Variants in HDAC9 observed in about 807,000 individuals in gnomAD.
HDAC9 encodes histone deacetylase 9.
A neutral mutation model predicts 139.4 loss-of-function variants in HDAC9; 41 were observed. The ratio of observed to expected loss-of-function variants is 0.29; its 90% CI spans 0.23 to 0.38. HDAC9 has a LOEUF of 0.38. Ranked by LOEUF, HDAC9 falls within the 10% of genes least tolerant of loss-of-function variation. HDAC9 has a pLI of 1.00. For missense variants in HDAC9, 1,147 were observed against 1,297.0 expected (o/e 0.88, Z 1.78); for synonymous variants, 517 against 476.2 (o/e 1.09, Z -1.12).
At chr7:18,134,625 T>A (rs1785263375) in intron 1 of HDAC9, among the ~76,000 whole-genome samples, 1 of 152,190 alleles carries the variant, frequency 6.6e-6, no homozygotes, top group African/African-American at 2.4e-5. Flanking sequence ...ACATTATTAC[T>A]CATTCTTAAG....
At chr7:18,610,572 AAT>A (rs1362465410) in intron 6 of HDAC9, among the ~76,000 whole-genome samples, 1 of 152,142 alleles carries the variant, frequency 6.6e-6, no homozygotes, top group Admixed American at 6.6e-5. Context: ...TTACCTCTCA[AAT>A]AACCTGGACT....
chr7:18,285,518 G>T (rs941010848), upstream of HDAC9, among the ~76,000 whole-genome samples: 2 of 151,886 alleles, frequency 1.3e-5, no homozygotes, highest in African/African-American at 4.8e-5. Flanking sequence ...GAGTGTGAAC[G>T]TTTTAAAAGA....
At position 18,540,916 on chromosome 7, in the gene HDAC9, T is replaced by C. The variant is rs536646670; in HGVS notation, c.23-44365T>C. ...TGATTCTCGTAAGAATTTTAGAAGA[T>C]AGATACTATTATTTCCCCTGTTTTA... On this transcript the variant is annotated intron_variant, in intron 2 of 25. Transcript: ENST00000686413. Among the ~76,000 whole-genome samples the C allele has an allele frequency of 1.1e-4, 17 of 152,204 alleles. 1 individual carries two copies. The South Asian group carries it at 3.3e-3, about 30-fold the overall frequency.
chr7:18,835,690 A>G, intron 20 of HDAC9, 104 bp downstream of exon 20: 7 of 1,440,130 alleles, frequency 4.9e-6, no homozygotes, highest in Non-Finnish European at 5.9e-6. Flanking sequence ...GTTTTAAATT[A>G]CACGAGATTA....
chr7:18,298,555 ATAGTT>A (rs1426865770), intron 1 of HDAC9, among the ~76,000 whole-genome samples: 2 of 151,930 alleles, frequency 1.3e-5, no homozygotes, highest in Non-Finnish European at 2.9e-5. Context: ...TGTTCTTATG[ATAGTT>A]TACTGAGAAT....
chr7:18,764,727 C>G (rs1345658726), intron 15 of HDAC9, among the ~76,000 whole-genome samples: 2 of 151,974 alleles, frequency 1.3e-5, no homozygotes, highest in Non-Finnish European at 2.9e-5. Context: ...CTCTTTTTAT[C>G]CATTCCTTTC....
At chr7:18,870,282 C>T (rs561784691) in intron 21 of HDAC9, among the ~76,000 whole-genome samples, 1 of 152,280 alleles carries the variant, frequency 6.6e-6, no homozygotes, top group East Asian at 1.9e-4. Context: ...CATCATGCCT[C>T]CTCAATCTCC....
At position 18,975,970 on chromosome 7, in the gene HDAC9, C is replaced by T. The variant is rs150985559; in HGVS notation, c.3170+17C>T. 267 of 1,610,514 alleles carry T rather than the reference C, an allele frequency of 1.7e-4. No homozygotes were observed. The African/African-American group carries it at 2.2e-3, about 14-fold the overall frequency. On this transcript the variant is annotated intron_variant, in intron 25 of 25. Coordinates refer to ENST00000686413, the MANE Select transcript of HDAC9 (RefSeq NM_178425.4). Reference sequence around the variant, plus strand: ...AGACAGCAGGTATGAATCCAACGTGCGGGAATAATCCGGGTCAGTCATATC... The same window carrying T: ...AGACAGCAGGTATGAATCCAACGTGTGGGAATAATCCGGGTCAGTCATATC...
intron 19 of HDAC9, among the ~76,000 whole-genome samples, chr7:18,830,390 A>C (rs1009997279): frequency 6.6e-6 from 1 of 152,234 alleles, no homozygotes; most frequent in Non-Finnish European, 1.5e-5. Context: ...AACCTGGTAC[A>C]TCTGCACTTA....
intron 23 of HDAC9, among the ~76,000 whole-genome samples, chr7:18,946,462 GA>G (rs1019080023): frequency 1.3e-5 from 2 of 151,488 alleles, no homozygotes; most frequent in Non-Finnish European, 2.9e-5. Flanking sequence ...TGAAGGAAAT[GA>G]AAAAAAATTT....
intron 1 of HDAC9, among the ~76,000 whole-genome samples, chr7:18,129,171 T>G (rs1286108155): frequency 6.6e-6 from 1 of 152,168 alleles, no homozygotes; most frequent in Non-Finnish European, 1.5e-5. Flanking sequence ...TGAATAGATT[T>G]CATTATATCT....
chr7:18,435,945 TTA>T (rs145366181), intron 1 of HDAC9, among the ~76,000 whole-genome samples: 1 of 148,136 alleles, frequency 6.8e-6, no homozygotes, highest in Admixed American at 6.8e-5. Context: ...ACTGGAAAAT[TTA>T]TATATATATA....
chr7:18,414,581 A>G (rs1194146120), intron 1 of HDAC9, among the ~76,000 whole-genome samples: 1 of 152,220 alleles, frequency 6.6e-6, no homozygotes, highest in Non-Finnish European at 1.5e-5. Flanking sequence ...CAAATAAATT[A>G]TAAGTAAACA....
chr7:18,411,639 T>A (rs1228001977), intron 1 of HDAC9, among the ~76,000 whole-genome samples: 1 of 152,142 alleles, frequency 6.6e-6, no homozygotes, highest in Non-Finnish European at 1.5e-5. Flanking sequence ...CCTCCCAAAG[T>A]GCTGGGATTA....
At chr7:18,510,966 G>C (rs1020824423) in intron 2 of HDAC9, among the ~76,000 whole-genome samples, 1 of 152,150 alleles carries the variant, frequency 6.6e-6, no homozygotes, top group Admixed American at 6.5e-5. Context: ...AATTAATTGA[G>C]TTCGTTGATA....
intron 1 of HDAC9, among the ~76,000 whole-genome samples, chr7:18,429,605 C>T (rs1415619049): frequency 6.6e-6 from 1 of 151,386 alleles, no homozygotes; most frequent in Non-Finnish European, 1.5e-5. Context: ...CTTGTCTTTA[C>T]CTTTTAGTGT....
intron 23 of HDAC9, among the ~76,000 whole-genome samples, chr7:18,944,723 C>A (rs1209953745): frequency 2.0e-5 from 3 of 152,192 alleles, no homozygotes; most frequent in African/African-American, 7.2e-5. Context: ...TATCCCCTTT[C>A]TCTTTTCTGA....
intron 6 of HDAC9, among the ~76,000 whole-genome samples, chr7:18,617,127 G>T (rs1838829120): frequency 6.6e-6 from 1 of 151,996 alleles, no homozygotes; most frequent in African/African-American, 2.4e-5. Context: ...CGTGCCTACT[G>T]TTTTAGTTCA....
chr7:18,218,284 A>G (rs908471956), intron 2 of HDAC9, among the ~76,000 whole-genome samples: 1 of 151,968 alleles, frequency 6.6e-6, no homozygotes, highest in African/African-American at 2.4e-5. Flanking sequence ...TCTCTACTAA[A>G]AATACAAAAA....
Sources: allele counts gnomAD v4.1 joint callset (sites outside exome capture counted in the v4.1 genomes callset), GRCh38; gene constraint gnomAD v4.1.1; transcripts MANE v1.5; gene names NCBI Gene and HGNC (gene_info 2026-07-23, HGNC 2026-07-21).